Variants in RUBCNL observed in about 807,000 individuals in gnomAD.
RUBCNL encodes the protein protein associated with UVRAG as autophagy enhancer.
Under a neutral mutation model 69.5 loss-of-function variants are expected in RUBCNL, and 62 were observed. That is an observed-to-expected ratio of 0.89 (90% confidence interval 0.73 to 1.10). The LOEUF (loss-of-function observed/expected upper bound fraction) is 1.10, where lower values mean the gene tolerates loss of function less well. RUBCNL is among the 50% of genes least tolerant of loss of function. RUBCNL has a pLI of 0.00. For synonymous variants in RUBCNL, 291 were observed against 303.6 expected (o/e 0.96, Z 0.43); for missense variants, 768 against 798.1 (o/e 0.96, Z 0.45).
chr13:46,365,976 C>G (rs1307536287), intron 5 of RUBCNL, among the ~76,000 whole-genome samples: 2 of 152,126 alleles, frequency 1.3e-5, no homozygotes, highest in African/African-American at 4.8e-5. Flanking sequence ...GCTACTGCAG[C>G]GGGCCAGGTA....
chr13:46,346,225 C>G (rs1436164971), intron 12 of RUBCNL, among the ~76,000 whole-genome samples: 2 of 152,212 alleles, frequency 1.3e-5, no homozygotes, highest in Admixed American at 6.5e-5. Flanking sequence ...CCAAGACAGC[C>G]ATGGCCTACA....
intron 9 of RUBCNL, among the ~76,000 whole-genome samples, 175 bp from the exon 10 acceptor site, chr13:46,356,671 T>C (rs2048492266): frequency 6.6e-6 from 1 of 152,176 alleles, no homozygotes. Flanking sequence ...TTGAAATCCC[T>C]GGGTCTTTTA....
chr13:46,384,626 G>A (rs1175461655), intron 1 of RUBCNL, among the ~76,000 whole-genome samples: 1 of 152,054 alleles, frequency 6.6e-6, no homozygotes, highest in African/African-American at 2.4e-5. Context: ...TAAAGCTAAG[G>A]ATCATTGGAA....
chr13:46,377,515 C>A (rs531367103), intron 2 of RUBCNL, among the ~76,000 whole-genome samples: 1 of 152,204 alleles, frequency 6.6e-6, no homozygotes, highest in African/African-American at 2.4e-5. Flanking sequence ...CCACCCAACT[C>A]GGCCTTCCAA....
In RUBCNL at chr13:46,368,958, A is replaced by T. The variant is rs565302027; in HGVS notation, c.536-143T>A. The T allele has an allele frequency of 3.2e-5, 21 of 648,906 alleles. No individual in the cohort carries two copies. In the African/African-American group the frequency reaches 3.3e-4, roughly 10 times the overall value. The allele number at this position is 648,906 out of a possible 1,614,324, so 40.2% of individuals were successfully genotyped here. ...GAATAAATTCAGATGACAGGAAAAG[A>T]AAGATCTTTCCGATGGCAGGTCTTA... On this transcript the variant is annotated intron_variant, in intron 3 of 14. Transcript: ENST00000429979.
chr13:46,366,799 C>A (rs539774375), intron 5 of RUBCNL, among the ~76,000 whole-genome samples: 59 of 152,240 alleles, frequency 3.9e-4, no homozygotes, highest in Admixed American at 1.2e-3. Context: ...GTTAACTACA[C>A]CCACCTTTAT....
chr13:46,360,454 G>T (rs78072754), intron 8 of RUBCNL, among the ~76,000 whole-genome samples: 1,956 of 152,196 alleles, frequency 0.013, 39 homozygotes, highest in African/African-American at 0.044. Flanking sequence ...CAACCTCTCA[G>T]ACACAAATAC....
rs2048206100 is a variant in RUBCNL, at chr13:46,344,674, TAA to T, written c.1876+65_1876+66del. The T allele has an allele frequency of 1.1e-5, 12 of 1,058,796 alleles. No individual in the cohort carries two copies. In the South Asian group the frequency reaches 1.4e-4, roughly 12 times the overall value. 65.6% of individuals were successfully genotyped at this position (1,058,796 alleles called of 1,614,324 possible). On this transcript the variant is annotated intron_variant, in intron 14 of 14. Coordinates refer to ENST00000429979, the MANE Select transcript of RUBCNL (RefSeq NM_025113.5). ...ATTCAGCTTAAGTTAATTTTGTGCT[TAA>T]GTTACTAAACTTAGTTTAATTAGTT...
intron 5 of RUBCNL, among the ~76,000 whole-genome samples, chr13:46,367,703 A>C (rs2048788378): frequency 6.6e-6 from 1 of 152,178 alleles, no homozygotes; most frequent in Admixed American, 6.5e-5. Flanking sequence ...AAAATATTCA[A>C]TGAAAAGTTC....
chr13:46,373,491 C>G (rs2048922964), intron 2 of RUBCNL, among the ~76,000 whole-genome samples: 1 of 152,350 alleles, frequency 6.6e-6, no homozygotes, highest in African/African-American at 2.4e-5. Flanking sequence ...AAAACCCACT[C>G]ACTTCTAAGC....
In RUBCNL at chr13:46,341,523, T is replaced by G. The variant is rs978521957; in HGVS notation, c.*1862A>C. Among the ~76,000 whole-genome samples, 1 of 152,178 alleles carries G rather than the reference T, an allele frequency of 6.6e-6. No individual in the cohort carries two copies. Among genetic ancestry groups the G allele is most frequent in the Admixed American group, 6.5e-5 (1 of 15,282 alleles). ...CAAAATAGAAAATCAAAAGCATCACTTCCTGGCAACTGCTGTGCACTCTTC... is the reference window on the plus strand; with the variant it reads ...CAAAATAGAAAATCAAAAGCATCACGTCCTGGCAACTGCTGTGCACTCTTC... On this transcript the variant is annotated 3_prime_UTR_variant, in exon 15 of 15. Coordinates refer to ENST00000429979, the MANE Select transcript of RUBCNL (RefSeq NM_025113.5).
At chr13:46,346,783 C>G (rs1175001434) in intron 12 of RUBCNL, among the ~76,000 whole-genome samples, 1 of 152,122 alleles carries the variant, frequency 6.6e-6, no homozygotes, top group Non-Finnish European at 1.5e-5. Context: ...AAAGCTAAAC[C>G]ATTTATTTAA....
In RUBCNL at chr13:46,338,783, G is replaced by A. The variant is rs947629807; in HGVS notation, c.*4602C>T. 1.2e-4 allele frequency among the ~76,000 whole-genome samples: 18 copies of A among 152,154 alleles called. No homozygotes were observed. In the South Asian group the frequency reaches 1.2e-3, roughly 11 times the overall value. On this transcript the variant is annotated 3_prime_UTR_variant, in exon 15 of 15. Transcript: ENST00000429979. ...GAAAATGTTCAAGGAAGGGCTGGGC[G>A]CGGTGGCTCACACCTGTAATCCAAG...
intron 3 of RUBCNL, among the ~76,000 whole-genome samples, chr13:46,369,463 C>A (rs1468555216): frequency 6.6e-6 from 1 of 152,210 alleles, no homozygotes; most frequent in East Asian, 1.9e-4. Flanking sequence ...TATCCTTCCA[C>A]CTCAGCCTCT....
rs1195652274 is a variant in RUBCNL, at chr13:46,338,074, T to G, written c.*5311A>C. ...GGAGAAGGGAGCATGTGTGTGCACG[T>G]GCAGTACGCTGAAGAATGGGCAAGA... On this transcript the variant is annotated 3_prime_UTR_variant, in exon 15 of 15. Transcript: ENST00000429979. Among the ~76,000 whole-genome samples, 1 of 152,106 alleles carries G rather than the reference T, an allele frequency of 6.6e-6. No individual in the cohort carries two copies. Among genetic ancestry groups the G allele is most frequent in the African/African-American group, 2.4e-5 (1 of 41,422 alleles).
intron 1 of RUBCNL, among the ~76,000 whole-genome samples, chr13:46,380,406 T>C (rs372194354): frequency 2.6e-4 from 39 of 152,208 alleles, no homozygotes; most frequent in Non-Finnish European, 4.4e-4. Flanking sequence ...TTAGGGGACT[T>C]ACCCAAAGTC....
Position 46,371,964 on chromosome 13 carries a change from T to A in RUBCNL, c.512A>T (p.His171Leu), listed in dbSNP as rs116258424. ...ETDSAFFEPS[H>L]LTSAADEGAV... ...ACCTTCATCAGCAGCAGATGTCAGA[T>A]GGGAAGGCTCAAAAAAAGCACTGTC... The change falls in exon 3 of 15, where the codon CAT becomes CTT. Residue 171 changes from histidine (H) to leucine (L), a missense_variant. His to Leu is a moderately conservative substitution (Grantham distance 99, BLOSUM62 -3). Transcript: ENST00000429979. 3,898 of 1,613,800 alleles carry A rather than the reference T, an allele frequency of 2.4e-3. 87 individuals carry two copies. In the African/African-American group the frequency reaches 0.045, roughly 18 times the overall value.
chr13:46,366,124 ACTT>A (rs1276853711), intron 5 of RUBCNL, among the ~76,000 whole-genome samples: 2 of 152,190 alleles, frequency 1.3e-5, no homozygotes, highest in Non-Finnish European at 2.9e-5. Flanking sequence ...AATAGGAATT[ACTT>A]CTTCTCCACC....
rs1026672513 is a variant in RUBCNL at position 46,368,822 on chromosome 13, A to G, written c.536-7T>C. On this transcript the variant is annotated splice_region_variant and splice_polypyrimidine_tract_variant and intron_variant, in intron 3 of 14. Coordinates refer to ENST00000429979, the MANE Select transcript of RUBCNL (RefSeq NM_025113.5). ...CTACTGACTTGAACAGCACCTGCCA[A>G]TATAGCAAATTGTTAAAAATGGGGA... 6.2e-7 allele frequency: 1 copy of G among 1,602,510 alleles called. No individual in the cohort carries two copies. Among genetic ancestry groups the G allele is most frequent in the African/African-American group, 1.3e-5 (1 of 74,472 alleles).
Sources: allele counts gnomAD v4.1 joint callset (sites outside exome capture counted in the v4.1 genomes callset), GRCh38; gene constraint gnomAD v4.1.1; transcripts MANE v1.5; gene names NCBI Gene and HGNC (gene_info 2026-07-23, HGNC 2026-07-21).